The following PKD2L1 variants were observed in gnomAD, a reference collection of about 807,000 sequenced individuals.
The protein encoded by PKD2L1 is polycystin 2 like 1, transient receptor potential cation channel, also known as polycystin-2-like protein 1.
In PKD2L1, 77 loss-of-function variants were observed where a neutral mutation model predicts 93.0. The observed-to-expected ratio is 0.83, with a 90% CI of 0.69 to 1.00. The LOEUF is 1.00. Among genes scored for constraint, PKD2L1 ranks in the 50% least tolerant of loss-of-function variants. The pLI, the probability that PKD2L1 is intolerant of heterozygous loss-of-function variation, is 0.00. For synonymous variants in PKD2L1, 390 were observed against 388.0 expected (o/e 1.01, Z -0.06); for missense variants, 977 against 990.9 (o/e 0.99, Z 0.19).
chr10:100,300,396 A>T (rs906749439), intron 2 of PKD2L1, among the ~76,000 whole-genome samples: 3 of 26,720 alleles, frequency 1.1e-4, no homozygotes, highest in African/African-American at 7.0e-4. Context: ...AAGTTAAATT[A>T]AAAAAAAAAG....
At chr10:100,300,476 C>T (rs534446088) in intron 2 of PKD2L1, among the ~76,000 whole-genome samples, 3 of 152,284 alleles carry the variant, frequency 2.0e-5, no homozygotes, top group African/African-American at 4.8e-5. Context: ...TCCCATGTGC[C>T]AGTAGGGCTG....
intron 2 of PKD2L1, 55 bp downstream of exon 2, chr10:100,329,156 T>C: frequency 1.9e-6 from 3 of 1,550,488 alleles, no homozygotes; most frequent in South Asian, 2.2e-5. Context: ...ATACATATAG[T>C]GCACACATAG....
At chr10:100,296,915 C>G (rs1848551972) in intron 6 of PKD2L1, 65 bp downstream of exon 6, 1 of 1,032,258 alleles carries the variant, frequency 9.7e-7, no homozygotes, top group Admixed American at 2.0e-5. Flanking sequence ...AACCTGGAGC[C>G]CCTATTAGGG....
chr10:100,325,089 C>T (rs1251495603), intron 2 of PKD2L1, among the ~76,000 whole-genome samples: 1 of 152,100 alleles, frequency 6.6e-6, no homozygotes, highest in African/African-American at 2.4e-5. Flanking sequence ...TTGCATTATC[C>T]GTCTCCCCAA....
chr10:100,290,282 G>A (rs913035334), intron 13 of PKD2L1, 119 bp downstream of exon 13: 1 of 1,270,788 alleles, frequency 7.9e-7, no homozygotes. Flanking sequence ...AATTAAAGGG[G>A]AGCGGAGGTT....
intron 9 of PKD2L1, 107 bp downstream of exon 9, chr10:100,294,428 T>C: frequency 8.2e-7 from 1 of 1,218,660 alleles, no homozygotes; most frequent in Non-Finnish European, 1.2e-6. Context: ...CCACTCACTC[T>C]CCATCCTTGA....
At position 100,289,000 on chromosome 10, in the gene PKD2L1, G is replaced by A. The variant is rs1469506229; in HGVS notation, c.2307C>T (p.Pro769=). The change falls in exon 15 of 16, where the codon CCC becomes CCT. Residue 769 remains proline, a synonymous_variant. Transcript: ENST00000318222. ...PQPAPAVTPD[P]WGVQGGQESE... is the part of the protein sequence containing the mutation. ...TCTCCTGCCCACCCTGGACTCCCCA[G>A]GGGTCTGGGGTCACAGCTGGGGCTG... 6.2e-7 allele frequency: 1 copy of A among 1,611,446 alleles called. No individual in the cohort carries two copies. Among genetic ancestry groups the A allele is most frequent in the Admixed American group, 1.7e-5 (1 of 59,754 alleles).
At chr10:100,298,181 C>T (rs1481633683) in intron 4 of PKD2L1, among the ~76,000 whole-genome samples, 1 of 152,174 alleles carries the variant, frequency 6.6e-6, no homozygotes, top group Non-Finnish European at 1.5e-5. Flanking sequence ...ATCCTTGACC[C>T]CTTGCTGCTC....
chr10:100,323,483 G>A (rs1849309285), intron 2 of PKD2L1, among the ~76,000 whole-genome samples: 1 of 152,280 alleles, frequency 6.6e-6, no homozygotes, highest in Non-Finnish European at 1.5e-5. Flanking sequence ...TGGCCAGGCT[G>A]GTCTCGAACT....
rs1848567917 is a variant in PKD2L1, at chr10:100,297,376, G to A, written c.956+6C>T. 3 of 1,608,606 alleles carry A rather than the reference G, an allele frequency of 1.9e-6. No homozygotes were observed. The highest frequency in any genetic ancestry group is 2.2e-5 in the South Asian group (2 of 90,970). ...CAGGGTGATAAAGTAGGGAAAGGGG[G>A]CTCACCTCAGGACACAGAAAAGATT... is the stretch of plus-strand genomic sequence containing the variant. On this transcript the variant is annotated splice_donor_region_variant and intron_variant, in intron 5 of 15. Transcript: ENST00000318222.
Position 100,296,221 on chromosome 10 carries a change from C to T in PKD2L1, c.1257G>A (p.Leu419=). 1.2e-6 allele frequency: 2 copies of T among 1,611,698 alleles called. No homozygotes were observed. The highest frequency in any genetic ancestry group is 1.1e-5 in the South Asian group (1 of 90,614). The change falls in exon 7 of 16, where the codon CTG becomes CTA. Residue 419 remains leucine (L), a synonymous_variant. Transcript: ENST00000318222. The part of the protein sequence containing the change: ...LEVNRLMGKL[L]QQPNTYADFE... ...AGTCTGCATACGTGTTTGGCTGCTG[C>T]AGGAGCTTCCCCATGAGCCGATTCA... is the stretch of plus-strand genomic sequence containing the variant.
chr10:100,293,750 C>CA (rs1478918618), intron 9 of PKD2L1, among the ~76,000 whole-genome samples: 2 of 152,120 alleles, frequency 1.3e-5, no homozygotes, highest in Non-Finnish European at 2.9e-5. Context: ...ATCTACCCCC[C>CA]AATCCATATC....
intron 2 of PKD2L1, among the ~76,000 whole-genome samples, chr10:100,321,459 CA>C (rs988375167): frequency 1.0e-4 from 13 of 130,574 alleles, no homozygotes; most frequent in East Asian, 2.2e-4. Context: ...GACTCTGTCT[CA>C]AAAAAAAAAG....
chr10:100,295,722 A>G (rs1848517171), intron 7 of PKD2L1, among the ~76,000 whole-genome samples: 1 of 119,088 alleles, frequency 8.4e-6, no homozygotes, highest in Non-Finnish European at 1.6e-5. Context: ...ACAGAGTGAG[A>G]CTTCGTCTCA....
At chr10:100,299,500 T>C in intron 3 of PKD2L1, 91 bp downstream of exon 3, 1 of 1,213,914 alleles carries the variant, frequency 8.2e-7, no homozygotes, top group Admixed American at 1.8e-5. Context: ...ACTGATTTGA[T>C]TTCCCAGCAT....
At chr10:100,321,417 G>A (rs530433090) in intron 2 of PKD2L1, among the ~76,000 whole-genome samples, 8 of 151,298 alleles carry the variant, frequency 5.3e-5, no homozygotes, top group African/African-American at 7.3e-5. Flanking sequence ...CCGAGATCGC[G>A]CCACTGCACA....
chr10:100,295,139 T>G lies in PKD2L1; in HGVS notation c.1357-16A>C. 2 of 1,608,090 alleles carry G rather than the reference T, an allele frequency of 1.2e-6. No individual in the cohort carries two copies. The highest frequency in any genetic ancestry group is 1.7e-6 in the Non-Finnish European group (2 of 1,175,502). On this transcript the variant is annotated splice_polypyrimidine_tract_variant and intron_variant, in intron 7 of 15. Coordinates refer to ENST00000318222, the MANE Select transcript of PKD2L1 (RefSeq NM_016112.3). ...ACTTGAATATCTGGAAGGACCATGTTGAACCAAGGGATGAAGAAGGAAAAG... is the reference window on the plus strand; with the variant it reads ...ACTTGAATATCTGGAAGGACCATGTGGAACCAAGGGATGAAGAAGGAAAAG...
At chr10:100,288,749 A>T (rs939682438) in intron 15 of PKD2L1, among the ~76,000 whole-genome samples, 20 of 152,052 alleles carry the variant, frequency 1.3e-4, no homozygotes, top group Non-Finnish European at 7.4e-5. Flanking sequence ...ACGTTATTTC[A>T]CAGAGCTATG....
intron 11 of PKD2L1, among the ~76,000 whole-genome samples, chr10:100,292,029 G>A (rs1848417074): frequency 6.6e-6 from 1 of 151,604 alleles, no homozygotes; most frequent in Non-Finnish European, 1.5e-5. Context: ...GCCTTCCTCT[G>A]CTTGTCCACT....
Sources: gnomAD v4.1 joint callset for allele counts (sites outside exome capture counted in the v4.1 genomes callset) on GRCh38, gnomAD v4.1.1 for gene constraint, MANE v1.5 for transcripts, NCBI Gene and HGNC (gene_info 2026-07-23, HGNC 2026-07-21) for gene names.